The following SUGP2 variants were observed in gnomAD, a reference collection of about 807,000 sequenced individuals.
SUGP2 encodes SURP and G-patch domain containing 2.
In SUGP2, 24 loss-of-function variants were observed where a neutral mutation model predicts 90.5. That is an observed-to-expected ratio of 0.27 (90% confidence interval 0.19 to 0.37). The LOEUF is 0.37. Ranked by LOEUF, SUGP2 falls within the 10% of genes least tolerant of loss-of-function variation. The pLI is 1.00. For synonymous variants in SUGP2, 473 were observed against 513.4 expected (o/e 0.92, Z 1.06); for missense variants, 1,233 against 1,363.3 (o/e 0.90, Z 1.51).
intron 2 of SUGP2, among the ~76,000 whole-genome samples, chr19:19,030,404 C>T (rs1301959186): frequency 1.3e-5 from 2 of 151,998 alleles, no homozygotes; most frequent in East Asian, 3.9e-4. Flanking sequence ...GCAGGAGAAT[C>T]GCTTGAACCC....
In SUGP2 at chr19:19,033,476, T is replaced by C. The variant is rs967898155; in HGVS notation, c.-51A>G. 7 of 1,405,888 alleles carry C rather than the reference T, an allele frequency of 5.0e-6. No homozygotes were observed. In the Admixed American group the frequency reaches 8.3e-5, roughly 17 times the overall value. 87.1% of individuals were successfully genotyped at this position (1,405,888 alleles called of 1,614,324 possible). A position where few individuals can be genotyped will look rare whatever the true frequency, so the allele number is the denominator to read the frequency against. On this transcript the variant is annotated 5_prime_UTR_variant, in exon 1 of 11. Coordinates refer to ENST00000452918, the MANE Select transcript of SUGP2 (RefSeq NM_001017392.5). Reference sequence around the variant, plus strand: ...GCGCGGAGCCACCCCCGCCGCCGCCTCAGGCTCCTCACCCGCCGCCGCCGC... The same window carrying C: ...GCGCGGAGCCACCCCCGCCGCCGCCCCAGGCTCCTCACCCGCCGCCGCCGC...
intron 3 of SUGP2, among the ~76,000 whole-genome samples, chr19:19,022,141 C>T (rs1193003969): frequency 2.0e-5 from 3 of 152,018 alleles, no homozygotes; most frequent in Non-Finnish European, 4.4e-5. Context: ...CATGCCACCA[C>T]GCCCGACTAA....
chr19:19,026,833 G>T (rs1420155440), intron 2 of SUGP2, among the ~76,000 whole-genome samples: 13 of 152,062 alleles, frequency 8.5e-5, no homozygotes. Context: ...CCCATCCCTC[G>T]GAAAGGTCGG....
intron 4 of SUGP2, among the ~76,000 whole-genome samples, chr19:19,017,630 G>A (rs2058549967): frequency 6.6e-6 from 1 of 152,078 alleles, no homozygotes. Context: ...AAATTAGCTG[G>A]GTGTGGTGGC....
Position 19,026,151 on chromosome 19 carries a change from C to T in SUGP2, c.197G>A (p.Ser66Asn). The change falls in exon 3 of 11, where the codon AGT becomes AAT. Residue 66 changes from serine to asparagine, a missense_variant. Transcript: ENST00000452918. ...DVHSDGRYSL[S>N]GSVAHSRDAG... ...ATCTCTAGAGTGAGCTACAGATCCACTGAGGGAGTATCTGCCATCGCTGTG... is the reference window on the plus strand; with the variant it reads ...ATCTCTAGAGTGAGCTACAGATCCATTGAGGGAGTATCTGCCATCGCTGTG... 6.2e-7 allele frequency: 1 copy of T among 1,613,866 alleles called. No homozygotes were observed. The highest frequency in any genetic ancestry group is 8.5e-7 in the Non-Finnish European group (1 of 1,179,982).
In SUGP2 at chr19:19,031,054, A is replaced by G. The variant is rs747799380; in HGVS notation, c.18T>C (p.Ile6=). MAARR[I]TQETFDAVLQ... is the part of the protein sequence containing the mutation. The stretch of plus-strand genomic sequence containing the variant: ...ATACAGCATCAAAAGTCTCCTGTGT[A>G]ATTCGTCTGGCTGCCATGTTATTTT... The change falls in exon 2 of 11, where the codon ATT becomes ATC. Residue 6 remains isoleucine (I), a synonymous_variant. Transcript: ENST00000452918. 7.4e-6 allele frequency: 12 copies of G among 1,612,814 alleles called. No homozygotes were observed. The Admixed American group carries it at 1.2e-4, about 16-fold the overall frequency.
In SUGP2 at chr19:19,025,347, T is replaced by C. The variant is rs1430101972; in HGVS notation, c.1001A>G (p.Lys334Arg). The C allele has an allele frequency of 1.2e-6, 2 of 1,613,976 alleles. No individual in the cohort carries two copies. Among genetic ancestry groups the C allele is most frequent in the African/African-American group, 1.3e-5 (1 of 74,898 alleles). The change falls in exon 3 of 11, where the codon AAA becomes AGA. Residue 334 changes from lysine to arginine, a missense_variant. Lys to Arg is a conservative substitution (Grantham distance 26). Around this residue, in one of 8 missense-constraint regions of SUGP2, gnomAD observed 2 missense variants for 19.4 expected, o/e 0.10. Transcript: ENST00000452918. ...TTTTATGGTGTGGAATCCTGCCCAT[T>C]TGATTATTTCTATCCCAAATCTTGA... ...VFSRFGIEII[K>R]WAGFHTIKDD...
intron 5 of SUGP2, 81 bp from the exon 6 acceptor site, chr19:19,008,509 AT>A: frequency 1.8e-6 from 2 of 1,112,438 alleles, no homozygotes; most frequent in Non-Finnish European, 2.8e-6. Flanking sequence ...GTGGAGGCTG[AT>A]TATAAAGATG....
chr19:19,020,678 T>C (rs1353949334), intron 3 of SUGP2, among the ~76,000 whole-genome samples: 1 of 151,722 alleles, frequency 6.6e-6, no homozygotes, highest in African/African-American at 2.4e-5. Flanking sequence ...GCTCAAGAGA[T>C]CCACCCTCCT....
At chr19:19,033,749 T>C, upstream of SUGP2, 1 of 255,248 alleles carries the variant, frequency 3.9e-6, no homozygotes, top group Non-Finnish European at 7.4e-6. Context: ...CGAGGTGGCC[T>C]CGTTGGCTTT....
At position 19,009,857 on chromosome 19, in the gene SUGP2, T is replaced by C. The variant is rs2058236836; in HGVS notation, c.2336A>G (p.Asp779Gly). ...GGGGGACAGGAGTGAGCACCCACTG[T>C]CAGCAGATGGGCAGGGAGAAGAGGT... ...PQTSSPCPSA[D>G]IDMKTMETAE... is the part of the protein sequence containing the mutation. The change falls in exon 5 of 11, where the codon GAC (aspartate) becomes GGC (glycine). Residue 779 changes from aspartate (D) to glycine (G), a missense_variant and splice_region_variant. Physicochemically the swap from Asp to Gly is moderately conservative, Grantham distance 94 (BLOSUM62 -1). Around this residue, in one of 8 missense-constraint regions of SUGP2, gnomAD observed 540 missense variants for 542.6 expected, o/e 1.00. Coordinates refer to ENST00000452918, the MANE Select transcript of SUGP2 (RefSeq NM_001017392.5). The C allele has an allele frequency of 1.2e-6, 2 of 1,602,908 alleles. No individual in the cohort carries two copies. The highest frequency in any genetic ancestry group is 2.2e-5 in the East Asian group (1 of 44,698).
chr19:19,026,298 CA>C, intron 2 of SUGP2, 72 bp from the exon 3 acceptor site: 7 of 1,406,112 alleles, frequency 5.0e-6, no homozygotes, highest in Non-Finnish European at 6.5e-6. Flanking sequence ...GCAAACAGTG[CA>C]AACAAACAGT....
chr19:19,013,702 T>G (rs755702871), intron 4 of SUGP2, among the ~76,000 whole-genome samples: 1 of 152,234 alleles, frequency 6.6e-6, no homozygotes, highest in Non-Finnish European at 1.5e-5. Flanking sequence ...CTGCTGAGGC[T>G]AGACCACAGG....
rs1273327314 is a variant in SUGP2, at chr19:19,025,115, A to G, written c.1233T>C (p.Ala411=). Residue 411 remains alanine (A), a synonymous_variant, in exon 3 of 11, where the codon GCT becomes GCC. Coordinates refer to ENST00000452918, the MANE Select transcript of SUGP2 (RefSeq NM_001017392.5). ...EFLNMLLDKG[A]VKTKNCFFEI... ...CAAAAAAGCAATTTTTGGTCTTCAC[A>G]GCACCTTTGTCTAAAAGCATGTTTA... The G allele has an allele frequency of 4.3e-6, 7 of 1,613,896 alleles. No individual in the cohort carries two copies. In the Admixed American group the frequency reaches 1.2e-4, roughly 27 times the overall value.
At position 19,019,162 on chromosome 19, in the gene SUGP2, T is replaced by C; in HGVS notation, c.1797A>G (p.Glu599=). The change falls in exon 4 of 11, where the codon GAA becomes GAG. Residue 599 remains glutamate (E), a synonymous_variant. Coordinates refer to ENST00000452918, the MANE Select transcript of SUGP2 (RefSeq NM_001017392.5). ...TIDQLVKRVI[E]GSLSPKERTL... ...TTCTCTCTTTGGGAGACAGGCTGCC[T>C]TCGATGACACGTTTCACAAGCTGGT... 1 of 1,614,156 alleles carries C rather than the reference T, an allele frequency of 6.2e-7. No individual in the cohort carries two copies. Among genetic ancestry groups the C allele is most frequent in the South Asian group, 1.1e-5 (1 of 91,088 alleles).
chr19:19,019,722 G>T (rs1401021812), intron 3 of SUGP2, among the ~76,000 whole-genome samples: 1 of 150,702 alleles, frequency 6.6e-6, no homozygotes, highest in African/African-American at 2.4e-5. Context: ...GAGGTTATAG[G>T]GGGTAGAATT....
chr19:19,011,805 T>G (rs1441164371), intron 4 of SUGP2, among the ~76,000 whole-genome samples: 4 of 152,186 alleles, frequency 2.6e-5, no homozygotes, highest in African/African-American at 9.7e-5. Flanking sequence ...AAGACCAGTC[T>G]GGGCAACATG....
rs1208250594 is a variant in SUGP2 at position 19,024,850 on chromosome 19, C to T, written c.1498G>A (p.Glu500Lys). ...GCTATATCTTGCAGGCCGACAGCTT[C>T]TAAGATTTTCTCCTGCCGGAAAGAA... ...ASSFRQEKILEAVGLQDIAPS... is the reference protein window; with the variant it reads ...ASSFRQEKILKAVGLQDIAPS... The change falls in exon 3 of 11, where the codon GAA becomes AAA. Residue 500 changes from glutamate (E) to lysine (K), a missense_variant. Coordinates refer to ENST00000452918, the MANE Select transcript of SUGP2 (RefSeq NM_001017392.5). 6.2e-7 allele frequency: 1 copy of T among 1,614,046 alleles called. No individual in the cohort carries two copies. Among genetic ancestry groups the T allele is most frequent in the African/African-American group, 1.3e-5 (1 of 74,912 alleles).
chr19:19,033,320 C>G, intron 1 of SUGP2, 117 bp downstream of exon 1: 1 of 1,077,936 alleles, frequency 9.3e-7, no homozygotes, highest in Non-Finnish European at 1.1e-6. Context: ...GCCGCCGCCG[C>G]AGCCAGAGGG....
Sources: gnomAD v4.1 joint callset for allele counts (sites outside exome capture counted in the v4.1 genomes callset) on GRCh38, gnomAD v4.1.1 for gene constraint, gnomAD v4.1.1 regional missense constraint, MANE v1.5 for transcripts, NCBI Gene and HGNC (gene_info 2026-07-23, HGNC 2026-07-21) for gene names.